The following DLG2 variants were observed in gnomAD, a reference collection of about 807,000 sequenced individuals.
DLG2 encodes the protein disks large homolog 2.
In DLG2, 45 loss-of-function variants were observed where a neutral mutation model predicts 132.5. The ratio of observed to expected loss-of-function variants is 0.34; its 90% confidence interval spans 0.27 to 0.44. The LOEUF is 0.44. Ranked by LOEUF, DLG2 falls within the 20% of genes least tolerant of loss-of-function variation. DLG2 has a pLI of 1.00. For synonymous variants in DLG2, 424 were observed against 419.6 expected (o/e 1.01, Z -0.13); for missense variants, 1,045 against 1,196.9 (o/e 0.87, Z 1.87).
At chr11:85,321,856 A>C (rs1399629813) in intron 3 of DLG2, among the ~76,000 whole-genome samples, 2 of 152,024 alleles carry the variant, frequency 1.3e-5, no homozygotes, top group Non-Finnish European at 2.9e-5. Flanking sequence ...TCAAGAGAGA[A>C]TTAGAGGAAA....
chr11:85,029,474 T>A (rs891693242), intron 6 of DLG2, among the ~76,000 whole-genome samples: 6 of 152,194 alleles, frequency 3.9e-5, no homozygotes, highest in Admixed American at 3.9e-4. Flanking sequence ...TCTATTAAAA[T>A]CATTAGGGAA....
At chr11:85,057,278 G>C (rs909806676) in intron 6 of DLG2, among the ~76,000 whole-genome samples, 1 of 151,530 alleles carries the variant, frequency 6.6e-6, no homozygotes, top group Non-Finnish European at 1.5e-5. Flanking sequence ...ATTAGAAAAG[G>C]CTTTAAAATG....
intron 4 of DLG2, among the ~76,000 whole-genome samples, chr11:85,182,118 G>A (rs554438949): frequency 6.6e-6 from 1 of 152,068 alleles, no homozygotes; most frequent in South Asian, 2.1e-4. Flanking sequence ...TGTCTCTAAT[G>A]TCCTAGGACC....
At chr11:84,252,536 CT>C (rs984355326) in intron 7 of DLG2, among the ~76,000 whole-genome samples, 2 of 152,018 alleles carry the variant, frequency 1.3e-5, no homozygotes, top group African/African-American at 4.8e-5. Context: ...ATATGTTCAA[CT>C]TTCTTTTTTT....
At chr11:84,238,404 AC>A (rs2097186342) in intron 8 of DLG2, among the ~76,000 whole-genome samples, 1 of 152,052 alleles carries the variant, frequency 6.6e-6, no homozygotes, top group Non-Finnish European at 1.5e-5. Context: ...AGTCCCAGCT[AC>A]TTGTGAGGCT....
At chr11:85,009,987 T>G (rs2154134829) in intron 6 of DLG2, among the ~76,000 whole-genome samples, 1 of 152,202 alleles carries the variant, frequency 6.6e-6, no homozygotes, top group Non-Finnish European at 1.5e-5. Context: ...ATTTTTAAAA[T>G]AAATTCAACT....
chr11:84,154,989 G>A (rs1390755133), intron 9 of DLG2, among the ~76,000 whole-genome samples: 1 of 152,098 alleles, frequency 6.6e-6, no homozygotes, highest in Non-Finnish European at 1.5e-5. Context: ...CCTACAGAAT[G>A]GGAGAAAATT....
At chr11:83,815,396 ACCT>A (rs2048578195) in intron 17 of DLG2, 1 of 152,278 alleles carries the variant, frequency 6.6e-6, no homozygotes, top group Non-Finnish European at 1.5e-5. Flanking sequence ...GTGGTGAATA[ACCT>A]CCTCTGAAGC....
chr11:84,213,560 C>T (rs186340404), intron 8 of DLG2, among the ~76,000 whole-genome samples: 1 of 152,212 alleles, frequency 6.6e-6, no homozygotes, highest in Admixed American at 6.5e-5. Flanking sequence ...TGGCTCATGC[C>T]TGTAATCCCA....
chr11:85,061,150 G>A (rs968830749), intron 6 of DLG2, among the ~76,000 whole-genome samples: 1 of 151,654 alleles, frequency 6.6e-6, no homozygotes, highest in Non-Finnish European at 1.5e-5. Flanking sequence ...GATGTGATTT[G>A]TAGATATTTT....
intron 6 of DLG2, among the ~76,000 whole-genome samples, chr11:84,717,824 T>G (rs2061393159): frequency 6.6e-6 from 1 of 152,086 alleles, no homozygotes; most frequent in South Asian, 2.1e-4. Context: ...TAGTAAGTAC[T>G]GCATGCATCT....
chr11:85,136,250 T>C (rs945033454), intron 5 of DLG2, among the ~76,000 whole-genome samples: 2 of 152,234 alleles, frequency 1.3e-5, no homozygotes, highest in Non-Finnish European at 1.5e-5. Context: ...GTATGTTATA[T>C]ATTCATTTGT....
At chr11:84,759,044 A>C (rs1209947498) in intron 6 of DLG2, among the ~76,000 whole-genome samples, 1 of 151,924 alleles carries the variant, frequency 6.6e-6, no homozygotes, top group Non-Finnish European at 1.5e-5. Flanking sequence ...TGCCTGGCTA[A>C]TTTTTGTATT....
intron 3 of DLG2, among the ~76,000 whole-genome samples, chr11:85,377,900 T>C (rs918287046): frequency 1.1e-4 from 17 of 149,744 alleles, no homozygotes; most frequent in Non-Finnish European, 2.1e-4. Flanking sequence ...CACACACACA[T>C]ACATATATAT....
At chr11:83,634,660 C>A (rs2153463103) in intron 18 of DLG2, among the ~76,000 whole-genome samples, 1 of 152,230 alleles carries the variant, frequency 6.6e-6, no homozygotes, top group East Asian at 1.9e-4. Flanking sequence ...GATCTACTTA[C>A]AGAGTGTTTC....
chr11:84,916,957 C>A (rs1202214529), intron 6 of DLG2, among the ~76,000 whole-genome samples: 2 of 152,170 alleles, frequency 1.3e-5, no homozygotes, highest in South Asian at 2.1e-4. Context: ...CTCAGTGAGA[C>A]CTTCACTAAC....
intron 18 of DLG2, among the ~76,000 whole-genome samples, chr11:83,716,456 T>C (rs1157934079): frequency 1.3e-5 from 2 of 152,226 alleles, no homozygotes; most frequent in African/African-American, 4.8e-5. Flanking sequence ...TCAGTAAGTT[T>C]TATAGAACTA....
At chr11:83,475,839 A>G (rs906808804) in intron 22 of DLG2, among the ~76,000 whole-genome samples, 5 of 151,732 alleles carry the variant, frequency 3.3e-5, no homozygotes, top group African/African-American at 1.2e-4. Flanking sequence ...AGGGGTTGGC[A>G]CTTCAAAATA....
chr11:83,746,987 C>A (rs1382601759), intron 18 of DLG2, among the ~76,000 whole-genome samples: 2 of 152,114 alleles, frequency 1.3e-5, no homozygotes, highest in African/African-American at 4.8e-5. Context: ...ATGAATGCGT[C>A]AATACCAAAT....
Sources: gnomAD v4.1 joint callset for allele counts (sites outside exome capture counted in the v4.1 genomes callset) on GRCh38, gnomAD v4.1.1 for gene constraint, MANE v1.5 for transcripts, NCBI Gene and HGNC (gene_info 2026-07-23, HGNC 2026-07-21) for gene names.